The following CTNND2 variants were observed in gnomAD, a reference collection of about 807,000 sequenced individuals.
CTNND2 encodes the protein catenin delta 2, also known as catenin delta-2.
A neutral mutation model predicts 144.4 loss-of-function variants in CTNND2; 22 were observed. That is an observed-to-expected ratio of 0.15 (90% CI 0.11 to 0.22). The LOEUF is 0.22. Among genes scored for constraint, CTNND2 ranks in the 10% least tolerant of loss-of-function variants. The pLI, the probability that CTNND2 is intolerant of heterozygous loss-of-function variation, is 1.00. For synonymous variants in CTNND2, 751 were observed against 695.6 expected, an observed-to-expected ratio of 1.08 and a Z score of -1.25; for missense variants, 1,353 against 1,618.8, an observed-to-expected ratio of 0.84 and a Z score of 2.82.
At chr5:11,809,120 A>G (rs763997906) in intron 1 of CTNND2, among the ~76,000 whole-genome samples, 1 of 152,206 alleles carries the variant, frequency 6.6e-6, no homozygotes, top group Non-Finnish European at 1.5e-5. Context: ...TCTCCTTGTA[A>G]TAAGGATGAC....
intron 3 of CTNND2, among the ~76,000 whole-genome samples, chr5:11,501,539 A>G (rs1252473383): frequency 6.6e-6 from 1 of 152,238 alleles, no homozygotes; most frequent in African/African-American, 2.4e-5. Flanking sequence ...AGTCAGTGTT[A>G]GTGCAATCCA....
At chr5:11,558,759 G>T (rs944072958) in intron 3 of CTNND2, among the ~76,000 whole-genome samples, 2 of 152,248 alleles carry the variant, frequency 1.3e-5, no homozygotes, top group South Asian at 4.1e-4. Flanking sequence ...AGAACATGGA[G>T]TTTGGAACCT....
intron 6 of CTNND2, among the ~76,000 whole-genome samples, chr5:11,388,964 C>T (rs991601945): frequency 1.2e-4 from 18 of 152,164 alleles, no homozygotes; most frequent in African/African-American, 3.9e-4. Context: ...CATACTGCTT[C>T]CCTGCAGATA....
intron 1 of CTNND2, among the ~76,000 whole-genome samples, chr5:11,831,387 T>G (rs1793891570): frequency 6.6e-6 from 1 of 151,978 alleles, no homozygotes; most frequent in Non-Finnish European, 1.5e-5. Flanking sequence ...AAAAAAGAGT[T>G]GCCAGGCGTG....
At chr5:11,531,879 C>T (rs1042013542) in intron 3 of CTNND2, among the ~76,000 whole-genome samples, 2 of 152,150 alleles carry the variant, frequency 1.3e-5, no homozygotes, top group Non-Finnish European at 2.9e-5. Flanking sequence ...CATAACAGCA[C>T]TTTTTATATT....
chr5:11,673,109 T>C (rs1346136917), intron 2 of CTNND2, among the ~76,000 whole-genome samples: 1 of 152,162 alleles, frequency 6.6e-6, no homozygotes, highest in Admixed American at 6.5e-5. Flanking sequence ...TTTTCCAGTT[T>C]ATCACTTTAA....
At position 11,783,006 on chromosome 5, in the gene CTNND2, G is replaced by A. The variant is rs547539232; in HGVS notation, c.38-50734C>T. Among the ~76,000 whole-genome samples the A allele has an allele frequency of 3.8e-4, 58 of 152,236 alleles. 1 individual carries two copies. The highest frequency in any genetic ancestry group is 1.3e-3 in the African/African-American group (56 of 41,556). On this transcript the variant is annotated intron_variant, in intron 1 of 21. Coordinates refer to ENST00000304623, the MANE Select transcript of CTNND2 (RefSeq NM_001332.4). ...CATGGCTTACAGCTGTGGCCCAGAG[G>A]GAATCGTGATGCTGAAGCACATGCA...
intron 1 of CTNND2, among the ~76,000 whole-genome samples, chr5:11,818,128 T>C (rs1793113069): frequency 6.6e-6 from 1 of 151,858 alleles, no homozygotes; most frequent in African/African-American, 2.4e-5. Context: ...AATCAATCAT[T>C]AATAATCTTG....
chr5:11,608,972 T>C (rs1024466539), intron 2 of CTNND2, among the ~76,000 whole-genome samples: 1 of 152,066 alleles, frequency 6.6e-6, no homozygotes, highest in Non-Finnish European at 1.5e-5. Context: ...CCATATGGCA[T>C]TTTTTCTTCC....
At chr5:11,318,559 A>C (rs1279236218) in intron 9 of CTNND2, among the ~76,000 whole-genome samples, 3 of 152,102 alleles carry the variant, frequency 2.0e-5, no homozygotes, top group Non-Finnish European at 2.9e-5. Context: ...TTCTTTTCTC[A>C]GTGAGAAAAC....
chr5:11,587,687 T>G (rs1427947972), intron 2 of CTNND2, among the ~76,000 whole-genome samples: 4 of 152,136 alleles, frequency 2.6e-5, no homozygotes, highest in Non-Finnish European at 4.4e-5. Flanking sequence ...CTATTATTAT[T>G]CATTTGAAAA....
chr5:11,675,347 T>A (rs1784117276), intron 2 of CTNND2, among the ~76,000 whole-genome samples: 1 of 152,098 alleles, frequency 6.6e-6, no homozygotes, highest in African/African-American at 2.4e-5. Context: ...GAGACTGATC[T>A]CCATGGAACC....
intron 16 of CTNND2, among the ~76,000 whole-genome samples, chr5:11,072,417 A>G (rs1221686153): frequency 6.6e-6 from 1 of 152,260 alleles, no homozygotes. Flanking sequence ...CTTCAAATCC[A>G]TTCATTTTAC....
At chr5:11,885,187 T>C (rs141709347) in intron 1 of CTNND2, among the ~76,000 whole-genome samples, 1,809 of 152,238 alleles carry the variant, frequency 0.012, 43 homozygotes, top group African/African-American at 0.041. Flanking sequence ...TAGAATGAGA[T>C]TGGAAAAATT....
chr5:11,219,206 G>A (rs1256206092), intron 10 of CTNND2, among the ~76,000 whole-genome samples: 1 of 152,180 alleles, frequency 6.6e-6, no homozygotes, highest in Non-Finnish European at 1.5e-5. Context: ...CCCATGCAGT[G>A]GGGGTCACCT....
chr5:11,093,823 CT>C (rs755411608), intron 15 of CTNND2, among the ~76,000 whole-genome samples: 2 of 152,110 alleles, frequency 1.3e-5, no homozygotes, highest in Admixed American at 6.5e-5. Flanking sequence ...TAATTCAATA[CT>C]TTTTTCTGAA....
chr5:10,977,094 A>C (rs1736587761), intron 21 of CTNND2, among the ~76,000 whole-genome samples: 1 of 152,124 alleles, frequency 6.6e-6, no homozygotes, highest in African/African-American at 2.4e-5. Flanking sequence ...ATTGGCACAG[A>C]GGTAAAAAAA....
chr5:11,518,053 G>T (rs1772351964), intron 3 of CTNND2, among the ~76,000 whole-genome samples: 1 of 152,068 alleles, frequency 6.6e-6, no homozygotes. Context: ...TTGCCAAAGG[G>T]CACAAAGTTT....
At chr5:11,884,046 GT>G (rs1010775597) in intron 1 of CTNND2, among the ~76,000 whole-genome samples, 4 of 151,956 alleles carry the variant, frequency 2.6e-5, no homozygotes, top group African/African-American at 9.7e-5. Context: ...TTGTACATTT[GT>G]TTAAGTTCCC....
Sources: gnomAD v4.1 joint callset for allele counts (sites outside exome capture counted in the v4.1 genomes callset) on GRCh38, gnomAD v4.1.1 for gene constraint, MANE v1.5 for transcripts, NCBI Gene and HGNC (gene_info 2026-07-23, HGNC 2026-07-21) for gene names.